Variants in MGAT4C observed in about 807,000 individuals in gnomAD.
MGAT4C encodes alpha-1,3-mannosyl-glycoprotein 4-beta-N-acetylglucosaminyltransferase C.
In MGAT4C, 19 loss-of-function variants were observed where a neutral mutation model predicts 40.1. That is an observed-to-expected ratio of 0.47 (90% CI 0.33 to 0.70). The LOEUF is 0.70. Ranked by LOEUF, MGAT4C falls within the 30% of genes least tolerant of loss-of-function variation. The pLI is 0.02. For missense variants in MGAT4C, 491 were observed against 563.2 expected (o/e 0.87, Z 1.30); for synonymous variants, 181 against 187.1 (o/e 0.97, Z 0.27).
intron 2 of MGAT4C, among the ~76,000 whole-genome samples, chr12:86,612,729 G>A (rs369367387): frequency 2.1e-4 from 26 of 126,416 alleles, no homozygotes; most frequent in African/African-American, 7.9e-4. Context: ...AACAGAGTGA[G>A]ACTCTGTCTC....
intron 2 of MGAT4C, among the ~76,000 whole-genome samples, chr12:86,700,289 C>T (rs567012638): frequency 6.6e-6 from 1 of 151,894 alleles, no homozygotes; most frequent in Non-Finnish European, 1.5e-5. Context: ...AGTTTGAAGT[C>T]GCTTAATATA....
At chr12:86,048,992 C>T (rs1461074657) in intron 2 of MGAT4C, among the ~76,000 whole-genome samples, 1 of 151,864 alleles carries the variant, frequency 6.6e-6, no homozygotes, top group Admixed American at 6.6e-5. Flanking sequence ...AATAAAAATA[C>T]TTTCAGACAA....
intron 1 of MGAT4C, among the ~76,000 whole-genome samples, chr12:86,068,751 T>C (rs1894801675): frequency 6.6e-6 from 1 of 152,070 alleles, no homozygotes; most frequent in African/African-American, 2.4e-5. Context: ...CTCTTTACTA[T>C]TCCAGCTTTT....
At chr12:86,426,924 G>A (rs1050342109) in intron 3 of MGAT4C, among the ~76,000 whole-genome samples, 1 of 152,084 alleles carries the variant, frequency 6.6e-6, no homozygotes, top group Non-Finnish European at 1.5e-5. Context: ...TCCAGCCTGG[G>A]CAACAGAGCG....
intron 2 of MGAT4C, among the ~76,000 whole-genome samples, chr12:86,700,644 TAAAAG>T (rs1409833746): frequency 2.0e-5 from 3 of 152,086 alleles, no homozygotes; most frequent in Non-Finnish European, 2.9e-5. Context: ...GAAACAGAAA[TAAAAG>T]AAATGTTTTG....
chr12:86,677,252 C>A lies in MGAT4C; in HGVS notation c.-229+49957G>T, dbSNP rs189306255. ...TATTTCATATTAATTAACCCCATCCCTCTTCAGTTACAGAAATTTCAACCA... is the reference window on the plus strand; with the variant it reads ...TATTTCATATTAATTAACCCCATCCATCTTCAGTTACAGAAATTTCAACCA... On this transcript the variant is annotated intron_variant, in intron 2 of 7. Transcript: ENST00000548651. Among the ~76,000 whole-genome samples, 465 of 152,260 alleles carry A rather than the reference C, an allele frequency of 3.1e-3. 2 individuals are homozygous for A. Among genetic ancestry groups the A allele is most frequent in the Middle Eastern group, 0.014 (4 of 294 alleles).
At chr12:86,471,720 A>G (rs1039630282) in intron 2 of MGAT4C, among the ~76,000 whole-genome samples, 1 of 152,124 alleles carries the variant, frequency 6.6e-6, no homozygotes, top group African/African-American at 2.4e-5. Flanking sequence ...GTGAACCCTT[A>G]AAATGATGTA....
intron 4 of MGAT4C, among the ~76,000 whole-genome samples, chr12:86,330,340 A>G (rs771393992): frequency 2.0e-5 from 3 of 152,208 alleles, no homozygotes; most frequent in Non-Finnish European, 4.4e-5. Context: ...GGATAAAAAT[A>G]CATTTTTCAC....
chr12:86,420,128 A>G (rs1354523033), intron 3 of MGAT4C, among the ~76,000 whole-genome samples: 2 of 140,738 alleles, frequency 1.4e-5, no homozygotes, highest in Non-Finnish European at 3.1e-5. Context: ...TCATAATCCC[A>G]GCACTTTGGG....
chr12:86,418,515 C>T (rs1197485933), intron 3 of MGAT4C, among the ~76,000 whole-genome samples: 1 of 151,892 alleles, frequency 6.6e-6, no homozygotes, highest in Non-Finnish European at 1.5e-5. Context: ...TCTCTTCAAC[C>T]GGGAGGCGGA....
intron 1 of MGAT4C, among the ~76,000 whole-genome samples, chr12:86,094,382 A>G (rs1023384636): frequency 6.6e-6 from 1 of 152,180 alleles, no homozygotes; most frequent in African/African-American, 2.4e-5. Context: ...TGCATAAATT[A>G]TCCCCAATTG....
At chr12:86,293,590 C>T (rs1953580626) in intron 4 of MGAT4C, among the ~76,000 whole-genome samples, 1 of 152,124 alleles carries the variant, frequency 6.6e-6, no homozygotes, top group South Asian at 2.1e-4. Flanking sequence ...GAGTAACATG[C>T]ATTGTCTCCT....
chr12:86,717,084 T>C (rs939083521), intron 2 of MGAT4C, among the ~76,000 whole-genome samples: 3 of 152,150 alleles, frequency 2.0e-5, no homozygotes, highest in African/African-American at 7.2e-5. Context: ...AATAATCAAA[T>C]GTTGTGCTCT....
intron 1 of MGAT4C, among the ~76,000 whole-genome samples, chr12:86,196,745 G>A (rs1817529743): frequency 6.6e-6 from 1 of 152,190 alleles, no homozygotes; most frequent in African/African-American, 2.4e-5. Context: ...AGCAGAGATG[G>A]CTGATTAAAT....
At chr12:86,807,872 T>C (rs1952389536) in intron 1 of MGAT4C, among the ~76,000 whole-genome samples, 1 of 152,154 alleles carries the variant, frequency 6.6e-6, no homozygotes, top group Non-Finnish European at 1.5e-5. Context: ...ATTTCTCTAA[T>C]GATCAGTGAT....
intron 2 of MGAT4C, among the ~76,000 whole-genome samples, chr12:86,521,323 G>A (rs1958791592): frequency 6.6e-6 from 1 of 152,130 alleles, no homozygotes; most frequent in South Asian, 2.1e-4. Context: ...TTATTGAATA[G>A]GGTGTCCTTT....
intron 2 of MGAT4C, among the ~76,000 whole-genome samples, chr12:86,567,631 G>A (rs34066397): frequency 0.23 from 35,232 of 151,980 alleles, 4,255 homozygotes; most frequent in East Asian, 0.37. Context: ...AGAAATGAAG[G>A]GTTGGGTCAC....
chr12:86,200,172 T>A (rs1173288896), intron 1 of MGAT4C, among the ~76,000 whole-genome samples: 1 of 144,090 alleles, frequency 6.9e-6, no homozygotes, highest in Non-Finnish European at 1.5e-5. Context: ...TTTTTTTTGG[T>A]CTGGCTTTTG....
intron 2 of MGAT4C, among the ~76,000 whole-genome samples, chr12:86,530,923 A>G (rs1261561793): frequency 6.6e-6 from 1 of 152,076 alleles, no homozygotes; most frequent in Non-Finnish European, 1.5e-5. Flanking sequence ...TCTTACATAG[A>G]TAGAAATAGC....
Sources: allele counts gnomAD v4.1 joint callset (sites outside exome capture counted in the v4.1 genomes callset), GRCh38; gene constraint gnomAD v4.1.1; transcripts MANE v1.5; gene names NCBI Gene and HGNC (gene_info 2026-07-23, HGNC 2026-07-21).